The following BSN variants were observed in gnomAD, a reference collection of about 807,000 sequenced individuals.
The protein encoded by BSN is bassoon presynaptic cytomatrix protein.
A neutral mutation model predicts 264.8 loss-of-function variants in BSN; 57 were observed. The observed-to-expected ratio is 0.22, with a 90% CI of 0.17 to 0.27. The LOEUF is 0.27. BSN is among the 10% of genes least tolerant of loss of function. The pLI, the probability that BSN is intolerant of heterozygous loss-of-function variation, is 1.00. For synonymous variants in BSN, 2,059 were observed against 2,137.3 expected (o/e 0.96, Z 1.01); for missense variants, 4,615 against 5,232.5 (o/e 0.88, Z 3.64).
rs969854122 is a variant in BSN, at chr3:49,579,331, A to G, written c.224+24505A>G. Among the ~76,000 whole-genome samples, 5 of 151,790 alleles carry G rather than the reference A, an allele frequency of 3.3e-5. No homozygotes were observed. The East Asian group carries it at 9.7e-4, about 29-fold the overall frequency. ...TTATTGCCCAGTGATATTTCATTGT[A>G]TGGATGTACCACATTTTATCCATTT... On this transcript the variant is annotated intron_variant, in intron 1 of 11. Transcript: ENST00000296452.
intron 2 of BSN, among the ~76,000 whole-genome samples, chr3:49,633,028 C>T (rs1389174608): frequency 6.6e-6 from 1 of 152,078 alleles, no homozygotes; most frequent in African/African-American, 2.4e-5. Context: ...CAACATAGGT[C>T]GGCTATGGTG....
At position 49,662,859 on chromosome 3, in the gene BSN, G is replaced by A. The variant is rs1258275274; in HGVS notation, c.10718-17G>A. 1 of 1,542,318 alleles carries A rather than the reference G, an allele frequency of 6.5e-7. No individual in the cohort carries two copies. The highest frequency in any genetic ancestry group is 2.3e-5 in the East Asian group (1 of 44,282). On this transcript the variant is annotated splice_polypyrimidine_tract_variant and intron_variant, in intron 6 of 11. Transcript: ENST00000296452. ...CTAGCCCGGGGGTTGATGGTATTCT[G>A]TTTTTGGTCTCTGAAGCGTATCACC... is the stretch of plus-strand genomic sequence containing the variant.
At position 49,658,207 on chromosome 3, in the gene BSN, A is replaced by G; in HGVS notation, c.8640+11A>G. 1.3e-6 allele frequency: 2 copies of G among 1,536,354 alleles called. No individual in the cohort carries two copies. The highest frequency in any genetic ancestry group is 1.8e-6 in the Non-Finnish European group (2 of 1,139,344). On this transcript the variant is annotated intron_variant, in intron 5 of 11. Coordinates refer to ENST00000296452, the MANE Select transcript of BSN (RefSeq NM_003458.4). ...GGACTGGGTAGCCAGGTATGGGAACAGGGGCTGTTCCAGGGTGGGACAGGG... is the reference window on the plus strand; with the variant it reads ...GGACTGGGTAGCCAGGTATGGGAACGGGGGCTGTTCCAGGGTGGGACAGGG...
At chr3:49,647,002 TC>T (rs1323420686) in intron 3 of BSN, among the ~76,000 whole-genome samples, 1 of 152,166 alleles carries the variant, frequency 6.6e-6, no homozygotes, top group Non-Finnish European at 1.5e-5. Context: ...CCCCTGGGCA[TC>T]CTTTTCTCTG....
At chr3:49,617,885 T>A (rs907380509) in intron 1 of BSN, among the ~76,000 whole-genome samples, 2 of 152,180 alleles carry the variant, frequency 1.3e-5, no homozygotes, top group Admixed American at 1.3e-4. Flanking sequence ...CTTGGGCATT[T>A]ATGGTGTGTG....
At position 49,661,673 on chromosome 3, in the gene BSN, C is replaced by T. The variant is rs141529689; in HGVS notation, c.9828C>T (p.Asp3276=). ...AGCCTGGAGAACCAGGTGTCCTTGA[C>T]GGGCCCACACTGCCCTGCTGCTATG... ...GKEPGEPGVL[D]GPTLPCCYAR... is the part of the protein sequence containing the mutation. The change falls in exon 6 of 12, where the codon GAC becomes GAT. Residue 3276 remains aspartate (D), a synonymous_variant. Coordinates refer to ENST00000296452, the MANE Select transcript of BSN (RefSeq NM_003458.4). The T allele has an allele frequency of 2.4e-5, 38 of 1,613,554 alleles. No individual in the cohort carries two copies. Among genetic ancestry groups the T allele is most frequent in the African/African-American group, 4.0e-5 (3 of 74,940 alleles).
At position 49,651,490 on chromosome 3, in the gene BSN, C is replaced by T. The variant is rs899989082; in HGVS notation, c.1987-53C>T. ...GGGATTGACAGGGAGGATTGGGTTC[C>T]CACCACGAGCTTTGCCATGGGGAGT... On this transcript the variant is annotated intron_variant, in intron 4 of 11. Transcript: ENST00000296452. This position sits in a 1 kb window ranked among gnomAD's most constrained non-coding sequence, Gnocchi z 5.4. The T allele has an allele frequency of 6.6e-7, 1 of 1,514,320 alleles. No homozygotes were observed. The highest frequency in any genetic ancestry group is 8.9e-7 in the Non-Finnish European group (1 of 1,127,436). The allele number at this position is 1,514,320 out of a possible 1,614,324, so 93.8% of individuals were successfully genotyped here. A position where few individuals can be genotyped will look rare whatever the true frequency, so the allele number is the denominator to read the frequency against.
At position 49,585,633 on chromosome 3, in the gene BSN, G is replaced by A. The variant is rs2051931267; in HGVS notation, c.224+30807G>A. ...CTCACGTTTCTTCAGCCGCCCCTGG[G>A]CGCTGCGTCTAACCCCAATTTTTAG... On this transcript the variant is annotated intron_variant, in intron 1 of 11. Coordinates refer to ENST00000296452, the MANE Select transcript of BSN (RefSeq NM_003458.4). This position sits in a 1 kb window ranked among gnomAD's most constrained non-coding sequence, Gnocchi z 4.7. Among the ~76,000 whole-genome samples the A allele has an allele frequency of 6.6e-6, 1 of 152,238 alleles. No homozygotes were observed. Among genetic ancestry groups the A allele is most frequent in the African/African-American group, 2.4e-5 (1 of 41,470 alleles).
At chr3:49,626,434 G>C (rs928659716) in intron 2 of BSN, among the ~76,000 whole-genome samples, 1 of 152,258 alleles carries the variant, frequency 6.6e-6, no homozygotes, top group South Asian at 2.1e-4. Context: ...CGTGTGGTTT[G>C]TGAGAGGTAA....
rs1575448273 is a variant in BSN at position 49,652,969 on chromosome 3, C to T, written c.3413C>T (p.Ala1138Val). 1.2e-6 allele frequency: 2 copies of T among 1,612,602 alleles called. No individual in the cohort carries two copies. Among genetic ancestry groups the T allele is most frequent in the Admixed American group, 1.7e-5 (1 of 59,852 alleles). Reference protein sequence around the residue: ...PSPSLDSEAEALDGGPSRLYK... With the variant: ...PSPSLDSEAEVLDGGPSRLYK... ...CCCTCCCTTGACTCTGAGGCTGAGG[C>T]CTTGGATGGTGGCCCTAGCCGGCTT... The change falls in exon 5 of 12, where the codon GCC becomes GTC. Residue 1138 changes from alanine (A) to valine (V), a missense_variant. Ala to Val is a moderately conservative substitution (Grantham distance 64). Coordinates refer to ENST00000296452, the MANE Select transcript of BSN (RefSeq NM_003458.4).
At chr3:49,565,353 TGTC>T (rs2051744719) in intron 1 of BSN, among the ~76,000 whole-genome samples, 1 of 121,056 alleles carries the variant, frequency 8.3e-6, no homozygotes, top group Non-Finnish European at 1.7e-5. Context: ...AGTCTCGCTC[TGTC>T]GTCGCCCAGG....
chr3:49,652,592 C>A lies in BSN; in HGVS notation c.3036C>A (p.Arg1012=). The part of the protein sequence containing the change: ...LEEDSDSSPS[R]RQRLEEAKQQ... ...AGGACAGTGACAGCAGCCCCAGCCG[C>A]AGGCAGCGTCTAGAAGAAGCAAAGC... Residue 1012 remains arginine (R), a synonymous_variant, in exon 5 of 12, where the codon CGC becomes CGA. Transcript: ENST00000296452. 1 of 1,613,492 alleles carries A rather than the reference C, an allele frequency of 6.2e-7. No individual in the cohort carries two copies. The highest frequency in any genetic ancestry group is 8.5e-7 in the Non-Finnish European group (1 of 1,179,940).
intron 3 of BSN, among the ~76,000 whole-genome samples, chr3:49,645,518 A>C (rs141660545): frequency 6.6e-6 from 1 of 152,246 alleles, no homozygotes; most frequent in African/African-American, 2.4e-5. Context: ...TCTCCCACCC[A>C]TGCTCACAGC....
rs753283069 is a variant in BSN at position 49,643,003 on chromosome 3, A to T, written c.1369A>T (p.Thr457Ser). Residue 457 changes from threonine (T) to serine (S), a missense_variant, in exon 3 of 12, where the codon ACC becomes TCC. Thr to Ser is a moderately conservative substitution (Grantham distance 58). Transcript: ENST00000296452. The stretch of plus-strand genomic sequence containing the variant: ...ATCGAAGGCTGCTGCCAAGCCAAAG[A>T]CCATGCCGAAGGAAAGGGCCATCTG... The part of the protein sequence containing the change: ...AASKAAAKPK[T>S]MPKERAICPL... 6.2e-6 allele frequency: 10 copies of T among 1,614,072 alleles called. No individual in the cohort carries two copies. The East Asian group carries it at 1.6e-4, about 25-fold the overall frequency.
chr3:49,662,929 C>G lies in BSN; in HGVS notation c.10771C>G (p.Arg3591Gly), dbSNP rs373022358. The G allele has an allele frequency of 1.2e-6, 2 of 1,612,368 alleles. No homozygotes were observed. The highest frequency in any genetic ancestry group is 8.5e-7 in the Non-Finnish European group (1 of 1,179,184). Reference protein sequence around the residue: ...TDWFDKPRDARSDRFRHHGGH... With the variant: ...TDWFDKPRDAGSDRFRHHGGH... ...CTGGTTTGATAAGCCCCGGGATGCC[C>G]GCTCTGACCGGTTCAGGCACCACGG... Residue 3591 changes from arginine (R) to glycine (G), a missense_variant, in exon 7 of 12, where the codon CGC becomes GGC. Arg to Gly is a moderately radical substitution (Grantham distance 125). This residue lies in a region of BSN where 3,415 missense variants were observed against 3,866.4 expected (regional missense o/e 0.88). Transcript: ENST00000296452.
At chr3:49,639,735 G>A (rs577172607) in intron 2 of BSN, among the ~76,000 whole-genome samples, 7 of 152,344 alleles carry the variant, frequency 4.6e-5, no homozygotes, top group East Asian at 1.9e-4. Flanking sequence ...TAGGAGCTAC[G>A]CAGAGCTGTC....
In BSN at chr3:49,652,356, A is replaced by G. The variant is rs759666110; in HGVS notation, c.2800A>G (p.Ile934Val). 5 of 1,606,388 alleles carry G rather than the reference A, an allele frequency of 3.1e-6. No homozygotes were observed. The change falls in exon 5 of 12, where the codon ATT becomes GTT. Residue 934 changes from isoleucine (I) to valine (V), a missense_variant. Around this residue, in one of 3 missense-constraint regions of BSN, gnomAD observed 1,197 missense variants for 1,348.0 expected, o/e 0.89. Transcript: ENST00000296452. ...GGGTGGGCTCCGTCGCTTCAAGACC[A>G]TTGAGCTCAACAGCACGGGAAGTTA... ...LQGGLRRFKT[I>V]ELNSTGSYGH...
intron 1 of BSN, among the ~76,000 whole-genome samples, chr3:49,570,494 C>T (rs914855984): frequency 9.2e-5 from 14 of 152,124 alleles, no homozygotes; most frequent in African/African-American, 2.9e-4. Flanking sequence ...TGGTTTGAGC[C>T]GTGGAAACAG....
intron 1 of BSN, among the ~76,000 whole-genome samples, chr3:49,580,001 A>G (rs2051883071): frequency 6.6e-6 from 1 of 152,182 alleles, no homozygotes; most frequent in Non-Finnish European, 1.5e-5. Context: ...TTGTTTTGCT[A>G]GTAGTTGTTT....
Sources: gnomAD v4.1 joint callset for allele counts (sites outside exome capture counted in the v4.1 genomes callset) on GRCh38, gnomAD v4.1.1 for gene constraint, gnomAD v4.1.1 regional missense constraint, Gnocchi (gnomAD v3.1) non-coding constraint, MANE v1.5 for transcripts, NCBI Gene and HGNC (gene_info 2026-07-23, HGNC 2026-07-21) for gene names.